Variants in LARGE1 observed in about 807,000 individuals in gnomAD.
LARGE1 encodes the protein xylosyl- and glucuronyltransferase LARGE1.
Under a neutral mutation model 87.6 loss-of-function variants are expected in LARGE1, and 43 were observed. The observed-to-expected ratio is 0.49, with a 90% CI of 0.38 to 0.63. LARGE1 has a LOEUF of 0.63. Ranked by LOEUF, LARGE1 falls within the 30% of genes least tolerant of loss-of-function variation. The pLI is 0.00. For synonymous variants in LARGE1, 434 were observed against 394.6 expected, an observed-to-expected ratio of 1.10 and a Z score of -1.18; for missense variants, 802 against 1,000.2, an observed-to-expected ratio of 0.80 and a Z score of 2.67.
intron 2 of LARGE1, among the ~76,000 whole-genome samples, chr22:33,735,199 C>A (rs565238908): frequency 2.0e-5 from 3 of 152,200 alleles, no homozygotes; most frequent in Non-Finnish European, 4.4e-5. Flanking sequence ...CTGGAGGAAT[C>A]TGCTTAACAA....
intron 1 of LARGE1, among the ~76,000 whole-genome samples, chr22:33,791,409 G>A (rs2085820316): frequency 6.6e-6 from 1 of 152,176 alleles, no homozygotes; most frequent in African/African-American, 2.4e-5. Context: ...ATGGCACAAA[G>A]GGGAACTGAG....
At chr22:33,309,919 A>G (rs1365240295) in intron 11 of LARGE1, among the ~76,000 whole-genome samples, 1 of 152,206 alleles carries the variant, frequency 6.6e-6, no homozygotes, top group Admixed American at 6.5e-5. Context: ...TTCCACATGT[A>G]ACAAGAAGTC....
At chr22:33,698,974 A>T (rs1057410525) in intron 2 of LARGE1, among the ~76,000 whole-genome samples, 1 of 152,194 alleles carries the variant, frequency 6.6e-6, no homozygotes, top group Non-Finnish European at 1.5e-5. Context: ...GGCACATAGC[A>T]CGAACTCCAT....
At chr22:33,560,817 C>CTTT (rs10710316) in intron 6 of LARGE1, among the ~76,000 whole-genome samples, 2 of 142,326 alleles carry the variant, frequency 1.4e-5, no homozygotes, top group African/African-American at 2.6e-5. Flanking sequence ...GTTTATTTAA[C>CTTT]TTTTTTTTTT....
intron 6 of LARGE1, among the ~76,000 whole-genome samples, chr22:33,460,985 C>T (rs1437249429): frequency 6.6e-6 from 1 of 150,958 alleles, no homozygotes; most frequent in Non-Finnish European, 1.5e-5. Context: ...AATACAAATC[C>T]TATCTAGAGG....
the LARGE1 span, among the ~76,000 whole-genome samples, chr22:33,081,248 T>C: frequency 6.6e-6 from 1 of 152,216 alleles, no homozygotes; most frequent in African/African-American, 2.4e-5. Flanking sequence ...GAAATAAATG[T>C]CTATTGTTTA....
intron 11 of LARGE1, among the ~76,000 whole-genome samples, chr22:33,307,382 T>G (rs1237451688): frequency 6.6e-6 from 1 of 152,222 alleles, no homozygotes; most frequent in Non-Finnish European, 1.5e-5. Context: ...TTATTTACTA[T>G]GGATTGGGGT....
At chr22:33,097,308 T>TTTA in the LARGE1 span, among the ~76,000 whole-genome samples, 8 of 152,336 alleles carry the variant, frequency 5.3e-5, no homozygotes, top group East Asian at 1.5e-3. Flanking sequence ...AGCAACTCCA[T>TTTA]TTATTCTCCT....
At chr22:33,788,145 C>T (rs2085710768) in intron 1 of LARGE1, among the ~76,000 whole-genome samples, 1 of 152,124 alleles carries the variant, frequency 6.6e-6, no homozygotes, top group African/African-American at 2.4e-5. Context: ...TGGGCAGGGC[C>T]AGGTGGAGAT....
rs549509644 is a variant in LARGE1, at chr22:33,222,946, C to T, written c.1731-56114G>A. ...CAGAGTTGCAGGCCCCCCCAGTCTC[C>T]CCTAAATGGGGTCTGCCTACCTGCA... On this transcript the variant is annotated intron_variant, in intron 11 of 11. Coordinates refer to the LARGE1 transcript ENST00000608642. Among the ~76,000 whole-genome samples, 50 of 152,270 alleles carry T rather than the reference C, an allele frequency of 3.3e-4. 1 individual carries two copies. In the South Asian group the frequency reaches 9.3e-3, roughly 28 times the overall value.
chr22:33,284,386 C>A lies in LARGE1; in HGVS notation c.1731-1038G>T, dbSNP rs529377099. 6.6e-5 allele frequency among the ~76,000 whole-genome samples: 10 copies of A among 152,304 alleles called. No individual in the cohort carries two copies. In the East Asian group the frequency reaches 1.5e-3, roughly 23 times the overall value. On this transcript the variant is annotated intron_variant, in intron 12 of 14. Coordinates refer to ENST00000397394, the MANE Select transcript of LARGE1 (RefSeq NM_133642.5). The stretch of plus-strand genomic sequence containing the variant: ...CCCTAGGCAGCCAGTGCTGGTGAGA[C>A]AGAGCTCTGGTATCTCCCTAAGAGA...
chr22:33,334,663 G>C (rs1308947179), intron 10 of LARGE1, among the ~76,000 whole-genome samples: 1 of 152,180 alleles, frequency 6.6e-6, no homozygotes, highest in Non-Finnish European at 1.5e-5. Context: ...AGTGGTCAAG[G>C]GAGAGAGGGG....
At chr22:33,730,078 T>A (rs1467507416) in intron 2 of LARGE1, among the ~76,000 whole-genome samples, 1 of 152,140 alleles carries the variant, frequency 6.6e-6, no homozygotes, top group Admixed American at 6.5e-5. Flanking sequence ...TTAAAGTGCA[T>A]GAGTCCACAA....
In LARGE1 at chr22:33,502,669, C is replaced by T. The variant is rs575054141; in HGVS notation, c.787+62179G>A. Among the ~76,000 whole-genome samples, 8 of 152,018 alleles carry T rather than the reference C, an allele frequency of 5.3e-5. No individual in the cohort carries two copies. The East Asian group carries it at 1.4e-3, about 26-fold the overall frequency. On this transcript the variant is annotated intron_variant, in intron 6 of 14. Transcript: ENST00000397394. ...CTGCAAGCTCCGCCTCCAGGGTCCA[C>T]GCCATCCTCCTACCTCAGCCTCCCA...
chr22:33,619,221 C>T (rs988716180), intron 4 of LARGE1, among the ~76,000 whole-genome samples: 13 of 151,978 alleles, frequency 8.6e-5, no homozygotes, highest in Admixed American at 3.9e-4. Flanking sequence ...GAGATCACAA[C>T]GTCTACACTA....
At chr22:33,148,493 T>C in the LARGE1 span, among the ~76,000 whole-genome samples, 2 of 152,226 alleles carry the variant, frequency 1.3e-5, no homozygotes, top group East Asian at 3.8e-4. Context: ...ACCATTTGTG[T>C]TGTTTCAAGT....
chr22:33,914,246 C>G (rs762096484), intron 1 of LARGE1, among the ~76,000 whole-genome samples: 2 of 152,138 alleles, frequency 1.3e-5, no homozygotes, highest in Non-Finnish European at 2.9e-5. Context: ...TGCATTTTTC[C>G]TGACTTGTGT....
intron 1 of LARGE1, among the ~76,000 whole-genome samples, chr22:33,807,444 C>G (rs1432560202): frequency 6.6e-6 from 1 of 152,180 alleles, no homozygotes; most frequent in Non-Finnish European, 1.5e-5. Flanking sequence ...CCTGCTCCCA[C>G]CTATGCACAG....
At chr22:33,730,986 C>A (rs1376548124) in intron 2 of LARGE1, among the ~76,000 whole-genome samples, 1 of 148,180 alleles carries the variant, frequency 6.7e-6, no homozygotes, top group Non-Finnish European at 1.5e-5. Context: ...TGAACCACTG[C>A]GCCCAGCCTG....
Sources: gnomAD v4.1 joint callset for allele counts (sites outside exome capture counted in the v4.1 genomes callset) on GRCh38, gnomAD v4.1.1 for gene constraint, MANE v1.5 for transcripts, NCBI Gene and HGNC (gene_info 2026-07-23, HGNC 2026-07-21) for gene names.